Variants in DYNC2H1 observed in about 807,000 individuals in gnomAD.
The protein encoded by DYNC2H1 is dynein cytoplasmic 2 heavy chain 1.
In DYNC2H1, 410 loss-of-function variants were observed where a neutral mutation model predicts 570.0. The ratio of observed to expected loss-of-function variants is 0.72; its 90% CI spans 0.66 to 0.78. The LOEUF (loss-of-function observed/expected upper bound fraction) is 0.78. DYNC2H1 is among the 30% of genes least tolerant of loss of function. The pLI is 0.00. For synonymous variants in DYNC2H1, 1,688 were observed against 1,677.6 expected, an observed-to-expected ratio of 1.01 and a Z score of -0.15; for missense variants, 4,865 against 5,046.4, an observed-to-expected ratio of 0.96 and a Z score of 1.09.
At chr11:103,417,627 C>T (rs1943333362) in intron 84 of DYNC2H1, among the ~76,000 whole-genome samples, 1 of 145,706 alleles carries the variant, frequency 6.9e-6, no homozygotes, top group Non-Finnish European at 1.5e-5. Flanking sequence ...GCCTGTAATC[C>T]CAAAACTTTG....
intron 60 of DYNC2H1, among the ~76,000 whole-genome samples, chr11:103,232,649 A>G (rs1864062386): frequency 6.6e-6 from 1 of 152,030 alleles, no homozygotes; most frequent in South Asian, 2.1e-4. Context: ...AAAGGACTTG[A>G]AAAATAAGCA....
chr11:103,241,679 C>A lies in DYNC2H1; in HGVS notation c.9820-2014C>A. ...TAGGTGCAGCACCATGGTAACACTTCACAGGCTATTTACTAACCACATCAT... is the reference window on the plus strand; with the variant it reads ...TAGGTGCAGCACCATGGTAACACTTAACAGGCTATTTACTAACCACATCAT... On this transcript the variant is annotated intron_variant, in intron 63 of 88. Transcript: ENST00000375735. This position sits in a 1 kb window ranked among gnomAD's most constrained non-coding sequence, Gnocchi z 5.1. 1 of 691,654 alleles carries A rather than the reference C, an allele frequency of 1.4e-6. No individual in the cohort carries two copies. Among genetic ancestry groups the A allele is most frequent in the South Asian group, 1.7e-5 (1 of 58,902 alleles). 42.8% of individuals were successfully genotyped at this position (691,654 alleles called of 1,614,324 possible).
intron 80 of DYNC2H1, among the ~76,000 whole-genome samples, chr11:103,318,858 G>C (rs1330538292): frequency 1.3e-5 from 2 of 152,070 alleles, no homozygotes; most frequent in African/African-American, 4.8e-5. Flanking sequence ...CAGTATTTTA[G>C]AAGTGGCTTC....
At chr11:103,337,660 C>T (rs1939218184) in intron 82 of DYNC2H1, among the ~76,000 whole-genome samples, 1 of 152,072 alleles carries the variant, frequency 6.6e-6, no homozygotes, top group South Asian at 2.1e-4. Context: ...TTTCTATACC[C>T]GTTGGTCATT....
chr11:103,114,248 C>A lies in DYNC2H1; in HGVS notation c.502+10C>A. 6.4e-7 allele frequency: 1 copy of A among 1,563,838 alleles called. No homozygotes were observed. The highest frequency in any genetic ancestry group is 2.3e-5 in the East Asian group (1 of 43,414). On this transcript the variant is annotated intron_variant, in intron 3 of 88. Transcript: ENST00000375735. ...GAAGATGACACACGAGGTATATAACCATAGCTTAATAAAAGAGAGTACAAA... is the reference window on the plus strand; with the variant it reads ...GAAGATGACACACGAGGTATATAACAATAGCTTAATAAAAGAGAGTACAAA...
At chr11:103,333,998 A>T (rs1368482397) in intron 82 of DYNC2H1, among the ~76,000 whole-genome samples, 1 of 152,094 alleles carries the variant, frequency 6.6e-6, no homozygotes, top group East Asian at 1.9e-4. Context: ...GCATTTGTTA[A>T]TAACGATTCA....
intron 26 of DYNC2H1, 144 bp from the exon 27 acceptor site, chr11:103,158,533 T>C: frequency 1.8e-6 from 1 of 548,800 alleles, no homozygotes; most frequent in Non-Finnish European, 3.1e-6. Flanking sequence ...GTGATATTAA[T>C]ATTTAACATT....
At chr11:103,350,079 G>C (rs1565517666) in intron 82 of DYNC2H1, among the ~76,000 whole-genome samples, 1 of 152,060 alleles carries the variant, frequency 6.6e-6, no homozygotes, top group Non-Finnish European at 1.5e-5. Flanking sequence ...TATATGGTTT[G>C]ATACATCTTG....
At chr11:103,381,059 A>G (rs1212359793) in intron 83 of DYNC2H1, among the ~76,000 whole-genome samples, 1 of 152,236 alleles carries the variant, frequency 6.6e-6, no homozygotes, top group African/African-American at 2.4e-5. Context: ...TGGAGGTGAT[A>G]TAAAAGGTTT....
intron 20 of DYNC2H1, among the ~76,000 whole-genome samples, chr11:103,150,352 A>C (rs200159193): frequency 5.9e-5 from 1 of 17,010 alleles, no homozygotes; most frequent in South Asian, 2.8e-3. Context: ...ATGATAGACA[A>C]GAGATGATGG....
At chr11:103,427,084 C>G (rs944848240) in intron 84 of DYNC2H1, among the ~76,000 whole-genome samples, 3 of 151,996 alleles carry the variant, frequency 2.0e-5, no homozygotes, top group African/African-American at 7.2e-5. Flanking sequence ...GCCCATTTAA[C>G]TCTACTCTTG....
rs1209081889 is a variant in DYNC2H1, at chr11:103,231,289, G to A, written c.9383G>A (p.Arg3128Lys). 1 of 1,605,376 alleles carries A rather than the reference G, an allele frequency of 6.2e-7. No individual in the cohort carries two copies. Among genetic ancestry groups the A allele is most frequent in the Non-Finnish European group, 8.5e-7 (1 of 1,176,350 alleles). The change falls in exon 60 of 89, where the codon AGG (arginine) becomes AAG (lysine). Residue 3128 changes from arginine to lysine, a missense_variant. Coordinates refer to ENST00000375735, the MANE Select transcript of DYNC2H1 (RefSeq NM_001377.3). ...CTGAAGAAAACTGAAGACAGAAAAA[G>A]GAAACTAGAGGAGCTTCTTAATTCT... ...SNLKKTEDRK[R>K]KLEELLNSVG...
chr11:103,163,964 C>T lies in DYNC2H1; in HGVS notation c.4611+817C>T, dbSNP rs1861198735. On this transcript the variant is annotated intron_variant, in intron 30 of 88. Coordinates refer to ENST00000375735, the MANE Select transcript of DYNC2H1 (RefSeq NM_001377.3). The surrounding 1 kb of genome is among the most constrained non-coding windows in gnomAD (Gnocchi z 4.6). The stretch of plus-strand genomic sequence containing the variant: ...CAGTTTACATTCTGAACCATTTTCT[C>T]ATACATGCCATTTGTATCTTTTTTC... 6.6e-6 allele frequency among the ~76,000 whole-genome samples: 1 copy of T among 152,206 alleles called. No homozygotes were observed.
intron 83 of DYNC2H1, among the ~76,000 whole-genome samples, chr11:103,364,775 C>G (rs988878904): frequency 1.3e-5 from 2 of 152,172 alleles, no homozygotes; most frequent in Non-Finnish European, 2.9e-5. Context: ...CCACTGCCAT[C>G]ACTACCTCCT....
At chr11:103,327,535 G>T (rs554272275) in intron 82 of DYNC2H1, among the ~76,000 whole-genome samples, 2 of 152,232 alleles carry the variant, frequency 1.3e-5, no homozygotes, top group Admixed American at 1.3e-4. Flanking sequence ...AACAGAACAT[G>T]GCTTCTGCAA....
At chr11:103,130,174 C>T (rs557609343) in intron 13 of DYNC2H1, among the ~76,000 whole-genome samples, 6 of 152,184 alleles carry the variant, frequency 3.9e-5, no homozygotes, top group Admixed American at 6.5e-5. Context: ...AGGTTTTTAT[C>T]GGGGATGGCC....
At chr11:103,352,959 A>G (rs1940123838) in intron 82 of DYNC2H1, among the ~76,000 whole-genome samples, 1 of 152,242 alleles carries the variant, frequency 6.6e-6, no homozygotes, top group South Asian at 2.1e-4. Context: ...ATGGAATACT[A>G]TACAGCCATA....
chr11:103,262,285 T>C lies in DYNC2H1; in HGVS notation c.10695+2308T>C, dbSNP rs191848009. ...AAGTTAGAAAACAGTCTTCAGGATA[T>C]TATCCAGGAGAACTTGCCCAGCCTG... On this transcript the variant is annotated intron_variant, in intron 70 of 88. Coordinates refer to ENST00000375735, the MANE Select transcript of DYNC2H1 (RefSeq NM_001377.3). Among the ~76,000 whole-genome samples, 156 of 152,294 alleles carry C rather than the reference T, an allele frequency of 1.0e-3. 2 individuals carry two copies. Among genetic ancestry groups the C allele is most frequent in the African/African-American group, 2.8e-3 (115 of 41,544 alleles).
chr11:103,296,520 G>C (rs1264653295), intron 75 of DYNC2H1, among the ~76,000 whole-genome samples: 2 of 152,096 alleles, frequency 1.3e-5, no homozygotes, highest in Non-Finnish European at 2.9e-5. Flanking sequence ...GCTTTTACTA[G>C]CATTTTTGAG....
Sources: allele counts gnomAD v4.1 joint callset (sites outside exome capture counted in the v4.1 genomes callset), GRCh38; gene constraint gnomAD v4.1.1; non-coding constraint Gnocchi (gnomAD v3.1); transcripts MANE v1.5; gene names NCBI Gene and HGNC (gene_info 2026-07-23, HGNC 2026-07-21).